The following HEATR5B variants were observed in gnomAD, a reference collection of about 807,000 sequenced individuals.
HEATR5B encodes HEAT repeat-containing protein 5B.
HEATR5B carries 156 observed loss-of-function variants against 224.1 expected under a neutral mutation model. That is an observed-to-expected ratio of 0.70 (90% CI 0.61 to 0.80). The LOEUF (loss-of-function observed/expected upper bound fraction) is 0.80. HEATR5B is among the 30% of genes least tolerant of loss of function. HEATR5B has a pLI of 0.00. For synonymous variants in HEATR5B, 1,027 were observed against 893.0 expected (o/e 1.15, Z -2.68); for missense variants, 2,323 against 2,535.5 (o/e 0.92, Z 1.80).
At chr2:37,005,235 C>A (rs903308709) in intron 30 of HEATR5B, among the ~76,000 whole-genome samples, 3 of 152,176 alleles carry the variant, frequency 2.0e-5, no homozygotes, top group Non-Finnish European at 4.4e-5. Context: ...AGAGGAAAAC[C>A]CGTCCCGCAT....
At chr2:37,016,113 C>CT (rs370375953) in intron 26 of HEATR5B, among the ~76,000 whole-genome samples, 42,382 of 131,974 alleles carry the variant, frequency 0.32, 7,965 homozygotes, top group African/African-American at 0.47. Context: ...TCCTTACTTT[C>CT]TTTTTTTTTT....
At chr2:37,015,403 G>A (rs949443456) in intron 26 of HEATR5B, among the ~76,000 whole-genome samples, 3 of 152,158 alleles carry the variant, frequency 2.0e-5, no homozygotes, top group African/African-American at 7.2e-5. Context: ...TATGTTAAGT[G>A]TCTTTTATAA....
rs1282526165 is a variant in HEATR5B at position 37,041,809 on chromosome 2, C to T, written c.2697-517G>A. 5.3e-5 allele frequency among the ~76,000 whole-genome samples: 8 copies of T among 150,356 alleles called. No homozygotes were observed. The East Asian group carries it at 7.8e-4, about 15-fold the overall frequency. On this transcript the variant is annotated intron_variant, in intron 18 of 35. Transcript: ENST00000233099. ...AAAACATATATTTGACTGAATAAAG[C>T]CTATTTTAATTTTAGAGAAAATTTG...
chr2:37,005,834 CTATTT>C, intron 29 of HEATR5B, 75 bp from the exon 30 acceptor site: 2 of 1,207,472 alleles, frequency 1.7e-6, no homozygotes, highest in Non-Finnish European at 2.3e-6. Flanking sequence ...TATTTCTTCT[CTATTT>C]ATGTTTTTAC....
chr2:37,041,325 T>C (rs772131776), intron 18 of HEATR5B, 33 bp from the exon 19 acceptor site: 2 of 1,606,308 alleles, frequency 1.2e-6, no homozygotes, highest in South Asian at 1.1e-5. Context: ...AGCACTAACT[T>C]TGCTATTTCC....
rs1667142375 is a variant in HEATR5B, at chr2:37,002,356, G to A, written c.5267C>T (p.Ala1756Val). Residue 1756 changes from alanine (A) to valine (V), a missense_variant, in exon 32 of 36, where the codon GCA becomes GTA. Physicochemically the swap from Ala to Val is moderately conservative, Grantham distance 64. Coordinates refer to ENST00000233099, the MANE Select transcript of HEATR5B (RefSeq NM_019024.3). ...ATCAGAGAGTATGGTAACTGTGGCTGCCACCAAACGAGCACTTTCTTCTGA... is the reference window on the plus strand; with the variant it reads ...ATCAGAGAGTATGGTAACTGTGGCTACCACCAAACGAGCACTTTCTTCTGA... ...RLSEESARLV[A>V]ATVTILSDLP... The A allele has an allele frequency of 6.2e-7, 1 of 1,614,254 alleles. No individual in the cohort carries two copies. Among genetic ancestry groups the A allele is most frequent in the East Asian group, 2.2e-5 (1 of 44,890 alleles).
At chr2:37,035,725 G>A (rs554210224) in intron 21 of HEATR5B, among the ~76,000 whole-genome samples, 1 of 152,156 alleles carries the variant, frequency 6.6e-6, no homozygotes, top group African/African-American at 2.4e-5. Context: ...CCTCAATCAT[G>A]ACTCTCTCCT....
intron 35 of HEATR5B, among the ~76,000 whole-genome samples, chr2:36,986,806 A>G (rs916257675): frequency 6.6e-5 from 10 of 152,152 alleles, no homozygotes; most frequent in African/African-American, 2.4e-4. Flanking sequence ...TAGTAGAGAC[A>G]GGGTTTCATC....
At chr2:37,002,083 A>C (rs1667125580) in intron 32 of HEATR5B, among the ~76,000 whole-genome samples, 1 of 152,200 alleles carries the variant, frequency 6.6e-6, no homozygotes, top group African/African-American at 2.4e-5. Flanking sequence ...TCCATGTCTT[A>C]TTTGAAACAC....
intron 19 of HEATR5B, 40 bp downstream of exon 19, chr2:37,041,093 T>A (rs749629698): frequency 2.6e-6 from 4 of 1,549,692 alleles, no homozygotes; most frequent in Non-Finnish European, 3.5e-6. Context: ...TCCAAAAAAT[T>A]TTCTAAACTT....
At chr2:37,048,952 T>C (rs915284439) in intron 18 of HEATR5B, among the ~76,000 whole-genome samples, 2 of 152,220 alleles carry the variant, frequency 1.3e-5, no homozygotes, top group Non-Finnish European at 2.9e-5. Flanking sequence ...GTTTGCTATA[T>C]TTAATACTCT....
intron 35 of HEATR5B, 90 bp downstream of exon 35, chr2:36,988,556 C>T: frequency 1.7e-6 from 2 of 1,147,358 alleles, no homozygotes; most frequent in Non-Finnish European, 2.5e-6. Flanking sequence ...GCCACTGCGC[C>T]CAGCAGGCCT....
chr2:37,047,949 T>A (rs932885528), intron 18 of HEATR5B, among the ~76,000 whole-genome samples: 23 of 152,148 alleles, frequency 1.5e-4, no homozygotes, highest in African/African-American at 4.8e-4. Context: ...TGCCAAATAT[T>A]ATGACATTTC....
At position 36,988,641 on chromosome 2, in the gene HEATR5B, C is replaced by G. The variant is rs1266434418; in HGVS notation, c.5911+5G>C. ...ACTAGTAGCTTTTTATAAGAATATA[C>G]TTACTGTTTTGTTCTTCACCAAGAG... is the stretch of plus-strand genomic sequence containing the variant. On this transcript the variant is annotated splice_donor_5th_base_variant and intron_variant, in intron 35 of 35. Transcript: ENST00000233099. The G allele has an allele frequency of 6.2e-7, 1 of 1,600,590 alleles. No individual in the cohort carries two copies. Among genetic ancestry groups the G allele is most frequent in the African/African-American group, 1.3e-5 (1 of 74,530 alleles).
intron 24 of HEATR5B, among the ~76,000 whole-genome samples, chr2:37,024,847 G>A (rs886106983): frequency 3.9e-5 from 6 of 152,280 alleles, no homozygotes; most frequent in Admixed American, 1.3e-4. Context: ...AACAACCAGA[G>A]TGCTGCTGCT....
chr2:36,987,949 G>GTA (rs1339911102), intron 35 of HEATR5B, among the ~76,000 whole-genome samples: 1 of 151,980 alleles, frequency 6.6e-6, no homozygotes, highest in Non-Finnish European at 1.5e-5. Flanking sequence ...GCACATGCCT[G>GTA]TAGTCCCAGC....
intron 4 of HEATR5B, 161 bp from the exon 5 acceptor site, chr2:37,075,795 T>C (rs991738839): frequency 1.9e-5 from 9 of 464,534 alleles, no homozygotes; most frequent in Non-Finnish European, 3.4e-5. Flanking sequence ...AGAAAGTACC[T>C]GGCAAGTAAG....
At chr2:37,082,068 T>TA (rs1672609373) in intron 2 of HEATR5B, among the ~76,000 whole-genome samples, 3 of 94,866 alleles carry the variant, frequency 3.2e-5, no homozygotes, top group Non-Finnish European at 4.4e-5. Flanking sequence ...TTTTTTTTTT[T>TA]TTTTTTTTTT....
chr2:37,060,847 GT>G (rs1284289417), intron 11 of HEATR5B, 114 bp from the exon 12 acceptor site: 2 of 695,936 alleles, frequency 2.9e-6, no homozygotes, highest in Non-Finnish European at 4.6e-6. Context: ...TGAAAATAGA[GT>G]AAAATACTGA....
Sources: allele counts gnomAD v4.1 joint callset (sites outside exome capture counted in the v4.1 genomes callset), GRCh38; gene constraint gnomAD v4.1.1; transcripts MANE v1.5; gene names NCBI Gene and HGNC (gene_info 2026-07-23, HGNC 2026-07-21).